The following SPATA2L variants were observed in gnomAD, a reference collection of about 807,000 sequenced individuals.
The protein encoded by SPATA2L is spermatogenesis-associated protein 2-like protein.
SPATA2L carries 5 observed loss-of-function variants against 8.7 expected under a neutral mutation model. That is an observed-to-expected ratio of 0.57 (90% CI 0.30 to 1.21). SPATA2L has a LOEUF of 1.21. Ranked by LOEUF, SPATA2L falls within the 50% of genes most tolerant of loss-of-function variation. SPATA2L has a pLI of 0.07. For missense variants in SPATA2L, 671 were observed against 591.0 expected (o/e 1.14, Z -1.40); for synonymous variants, 358 against 275.8 (o/e 1.30, Z -2.95).
rs2060773581 is a variant in SPATA2L at position 89,701,174 on chromosome 16, C to G, written c.59G>C (p.Arg20Pro). 2 of 1,488,370 alleles carry G rather than the reference C, an allele frequency of 1.3e-6. No individual in the cohort carries two copies. 92.2% of individuals were successfully genotyped at this position (1,488,370 alleles called of 1,614,324 possible). A position where few individuals can be genotyped will look rare whatever the true frequency, so the allele number is the denominator to read the frequency against. Residue 20 changes from arginine (R) to proline (P), a missense_variant, in exon 2 of 3, where the codon CGG becomes CCG. By Grantham distance (103) the Arg-to-Pro change is moderately radical (BLOSUM62 -2). Transcript: ENST00000289805. ...GTCCCCGCACACGCCCGCGCGGCCC[C>G]GTCGCAGCTCGCGCTCCAGGCACTG... Reference protein sequence around the residue: ...YRQCLERELRRGRAGVCGDPS... With the variant: ...YRQCLERELRPGRAGVCGDPS...
chr16:89,700,470 T>C (rs1281961554), intron 2 of SPATA2L, among the ~76,000 whole-genome samples: 2 of 152,138 alleles, frequency 1.3e-5, no homozygotes, highest in Admixed American at 6.5e-5. Flanking sequence ...CCCCAGGCCG[T>C]GGAGTTCACT....
In SPATA2L at chr16:89,697,295, G is replaced by A; in HGVS notation, c.*39C>T. Reference sequence around the variant, plus strand: ...CCCAGCAAAGAGAAGCACCACGGGAGCTGTCTCCCAAGAGCCCTTGACCTG... The same window carrying A: ...CCCAGCAAAGAGAAGCACCACGGGAACTGTCTCCCAAGAGCCCTTGACCTG... On this transcript the variant is annotated 3_prime_UTR_variant, in exon 3 of 3. Coordinates refer to ENST00000289805, the MANE Select transcript of SPATA2L (RefSeq NM_152339.4). The A allele has an allele frequency of 6.8e-7, 1 of 1,477,696 alleles. No homozygotes were observed. The highest frequency in any genetic ancestry group is 8.9e-7 in the Non-Finnish European group (1 of 1,119,144). 91.5% of individuals were successfully genotyped at this position (1,477,696 alleles called of 1,614,324 possible). A position where few individuals can be genotyped will look rare whatever the true frequency, so the allele number is the denominator to read the frequency against.
chr16:89,698,184 A>G lies in SPATA2L; in HGVS notation c.425T>C (p.Leu142Pro). 2 of 1,612,924 alleles carry G rather than the reference A, an allele frequency of 1.2e-6. No individual in the cohort carries two copies. The highest frequency in any genetic ancestry group is 1.1e-5 in the South Asian group (1 of 91,044). Reference protein sequence around the residue: ...RDSHRLMVTALPPACQLVQVA... With the variant: ...RDSHRLMVTAPPPACQLVQVA... ...CTGCACCAGCTGGCAGGCGGGGGGC[A>G]GGGCGGTCACCATGAGCCGATGGCT... Residue 142 changes from leucine (L) to proline (P), a missense_variant, in exon 3 of 3, where the codon CTG becomes CCG. Transcript: ENST00000289805.
rs139957269 is a variant in SPATA2L, at chr16:89,698,176, C to T, written c.433G>A (p.Ala145Thr). The change falls in exon 3 of 3, where the codon GCC becomes ACC. Residue 145 changes from alanine (A) to threonine (T), a missense_variant. Physicochemically the swap from Ala to Thr is moderately conservative, Grantham distance 58. Transcript: ENST00000289805. Reference sequence around the variant, plus strand: ...AGGGCCACCTGCACCAGCTGGCAGGCGGGGGGCAGGGCGGTCACCATGAGC... The same window carrying T: ...AGGGCCACCTGCACCAGCTGGCAGGTGGGGGGCAGGGCGGTCACCATGAGC... ...HRLMVTALPP[A>T]CQLVQVALGC... 6.2e-7 allele frequency: 1 copy of T among 1,611,438 alleles called. No homozygotes were observed.
In SPATA2L at chr16:89,696,648, C is replaced by G; in HGVS notation, c.*686G>C. The G allele has an allele frequency of 2.2e-6, 2 of 889,760 alleles. No homozygotes were observed. The highest frequency in any genetic ancestry group is 1.8e-5 in the South Asian group (1 of 55,128). The allele number at this position is 889,760 out of a possible 1,614,324, so 55.1% of individuals were successfully genotyped here. A position where few individuals can be genotyped will look rare whatever the true frequency, so the allele number is the denominator to read the frequency against. On this transcript the variant is annotated 3_prime_UTR_variant, in exon 3 of 3. Coordinates refer to ENST00000289805, the MANE Select transcript of SPATA2L (RefSeq NM_152339.4). Reference sequence around the variant, plus strand: ...CCCCGCCGCCTGGGCGGGCTGTCCACAGGCCCTTCCGCCCAGCAGCAGTGA... The same window carrying G: ...CCCCGCCGCCTGGGCGGGCTGTCCAGAGGCCCTTCCGCCCAGCAGCAGTGA...
At chr16:89,701,555 G>T in intron 1 of SPATA2L, 73 bp downstream of exon 1, 1 of 313,890 alleles carries the variant, frequency 3.2e-6, no homozygotes, top group Non-Finnish European at 5.8e-6. Flanking sequence ...GCTTCCGCCC[G>T]CTGAGCCCTC....
intron 1 of SPATA2L, 98 bp downstream of exon 1, chr16:89,701,530 C>G (rs1313098313): frequency 2.7e-6 from 1 of 371,970 alleles, no homozygotes; most frequent in African/African-American, 2.1e-5. Context: ...CGACCGCACC[C>G]TTCTCTAGAG....
At chr16:89,698,474 CTTTTTTTTT>C (rs61610413) in intron 2 of SPATA2L, among the ~76,000 whole-genome samples, 169 bp from the exon 3 acceptor site, 7 of 54,144 alleles carry the variant, frequency 1.3e-4, no homozygotes, top group East Asian at 7.3e-4. Flanking sequence ...ATGATGATTT[CTTTTTTTTT>C]TTTTTTTTTT....
rs757720870 is a variant in SPATA2L, at chr16:89,697,645, G to C, written c.964C>G (p.Leu322Val). Residue 322 changes from leucine (L) to valine (V), a missense_variant, in exon 3 of 3, where the codon CTG becomes GTG. Transcript: ENST00000289805. ...GCTGCAGAGCTTTCAGGGGTGGCCA[G>C]GTCCCCAGGCCTACTCAGCTCACGG... The part of the protein sequence containing the change: ...LRRELSRPGD[L>V]ATPESSAAAS... 6.2e-7 allele frequency: 1 copy of C among 1,608,588 alleles called. No individual in the cohort carries two copies. The highest frequency in any genetic ancestry group is 1.1e-5 in the South Asian group (1 of 91,086).
At chr16:89,699,614 G>A (rs542697646) in intron 2 of SPATA2L, among the ~76,000 whole-genome samples, 1 of 150,688 alleles carries the variant, frequency 6.6e-6, no homozygotes, top group African/African-American at 2.4e-5. Context: ...GCAGTGGCTC[G>A]ATCTCTGCTC....
Position 89,701,117 on chromosome 16 carries a change from A to G in SPATA2L, c.116T>C (p.Leu39Pro), listed in dbSNP as rs1368595987. Residue 39 changes from leucine (L) to proline (P), a missense_variant, in exon 2 of 3, where the codon CTG becomes CCG. Coordinates refer to ENST00000289805, the MANE Select transcript of SPATA2L (RefSeq NM_152339.4). The part of the protein sequence containing the change: ...PSLRAVLWQI[L>P]VEDFDLHGAL... The stretch of plus-strand genomic sequence containing the variant: ...CCCGTGCAGGTCGAAGTCCTCCACC[A>G]GGATCTGCCAGAGCACCGCGCGCAG... 2.6e-6 allele frequency: 4 copies of G among 1,551,658 alleles called. No homozygotes were observed. Among genetic ancestry groups the G allele is most frequent in the Non-Finnish European group, 3.5e-6 (4 of 1,155,710 alleles).
chr16:89,700,272 C>A, intron 2 of SPATA2L, among the ~76,000 whole-genome samples: 1 of 152,204 alleles, frequency 6.6e-6, no homozygotes, highest in South Asian at 2.1e-4. Flanking sequence ...CAGCAGGTGT[C>A]CCCGGGGAGC....
At position 89,701,035 on chromosome 16, in the gene SPATA2L, G is replaced by A; in HGVS notation, c.198C>T (p.Asp66=). 1.3e-6 allele frequency: 2 copies of A among 1,570,612 alleles called. No individual in the cohort carries two copies. The highest frequency in any genetic ancestry group is 1.7e-6 in the Non-Finnish European group (2 of 1,161,396). The change falls in exon 2 of 3, where the codon GAC becomes GAT. Residue 66 remains aspartate, a synonymous_variant. Transcript: ENST00000289805. ...CCAGGCCGCGTAGCGCGGGCGCCAG[G>A]TCGGCGCGGCCCCACAGCCCGTCGG... The part of the protein sequence containing the change: ...LLTDGLWGRA[D]LAPALRGLAR...
Position 89,698,216 on chromosome 16 carries a change from G to A in SPATA2L, c.393C>T (p.Arg131=). 1 of 1,612,796 alleles carries A rather than the reference G, an allele frequency of 6.2e-7. No individual in the cohort carries two copies. Among genetic ancestry groups the A allele is most frequent in the Non-Finnish European group, 8.5e-7 (1 of 1,179,654 alleles). Residue 131 remains arginine, a synonymous_variant, in exon 3 of 3, where the codon CGC becomes CGT. Transcript: ENST00000289805. ...TCACCATGAGCCGATGGCTGTCTCT[G>A]CGTACGTAGCCCATCTTCTGGAAGC... ...LKSFQKMGYV[R]RDSHRLMVTA... is the part of the protein sequence containing the mutation.
rs1193145644 is a variant in SPATA2L at position 89,701,217 on chromosome 16, G to A, written c.16C>T (p.Leu6=). ...AGGCACTGGCGGTAGTCCTCGGACA[G>A]CGAGCTGCTGCCCATCCTGCGGCGG... is the stretch of plus-strand genomic sequence containing the variant. The part of the protein sequence containing the change: MGSSS[L]SEDYRQCLER... The change falls in exon 2 of 3, where the codon CTG becomes TTG. Residue 6 remains leucine, a synonymous_variant. Coordinates refer to ENST00000289805, the MANE Select transcript of SPATA2L (RefSeq NM_152339.4). 7.6e-6 allele frequency: 11 copies of A among 1,440,316 alleles called. No individual in the cohort carries two copies. Among genetic ancestry groups the A allele is most frequent in the Non-Finnish European group, 1.0e-5 (11 of 1,096,758 alleles). The allele number at this position is 1,440,316 out of a possible 1,614,324, so 89.2% of individuals were successfully genotyped here. A position where few individuals can be genotyped will look rare whatever the true frequency, so the allele number is the denominator to read the frequency against.
intron 1 of SPATA2L, 154 bp downstream of exon 1, chr16:89,701,474 C>T (rs2060775393): frequency 2.4e-6 from 1 of 413,850 alleles, no homozygotes; most frequent in South Asian, 7.3e-5. Context: ...TCCAGCCCCT[C>T]CCTCCAGCCT....
Position 89,697,614 on chromosome 16 carries a change from C to G in SPATA2L, c.995G>C (p.Ser332Thr). ...LATPESSAAA[S>T]PRRIRAEGVP... ...CCCCTCTGCCCGAATACGCCTCGGGCTGGCCGCTGCAGAGCTTTCAGGGGT... is the reference window on the plus strand; with the variant it reads ...CCCCTCTGCCCGAATACGCCTCGGGGTGGCCGCTGCAGAGCTTTCAGGGGT... Residue 332 changes from serine (S) to threonine (T), a missense_variant, in exon 3 of 3, where the codon AGC (serine) becomes ACC (threonine). Physicochemically the swap from Ser to Thr is moderately conservative, Grantham distance 58 (BLOSUM62 1). Transcript: ENST00000289805. The G allele has an allele frequency of 5.6e-6, 9 of 1,604,644 alleles. No homozygotes were observed. Among genetic ancestry groups the G allele is most frequent in the Middle Eastern group, 1.7e-4 (1 of 6,060 alleles).
intron 2 of SPATA2L, among the ~76,000 whole-genome samples, chr16:89,699,894 A>T (rs927903845): frequency 2.1e-4 from 32 of 152,258 alleles, no homozygotes; most frequent in African/African-American, 7.2e-4. Context: ...GAACTAAAGG[A>T]GCTCAGGACA....
intron 2 of SPATA2L, among the ~76,000 whole-genome samples, chr16:89,700,388 G>C (rs887912653): frequency 6.6e-6 from 1 of 152,132 alleles, no homozygotes; most frequent in African/African-American, 2.4e-5. Flanking sequence ...CAGAGCTCCC[G>C]GCGGCCCTGC....
Sources: allele counts gnomAD v4.1 joint callset (sites outside exome capture counted in the v4.1 genomes callset), GRCh38; gene constraint gnomAD v4.1.1; transcripts MANE v1.5; gene names NCBI Gene and HGNC (gene_info 2026-07-23, HGNC 2026-07-21).